The following RUSF1 variants were observed in gnomAD, a reference collection of about 807,000 sequenced individuals.
RUSF1 encodes RUS1 family protein C16orf58.
In RUSF1, 58 loss-of-function variants were observed where a neutral mutation model predicts 63.0. The ratio of observed to expected loss-of-function variants is 0.92; its 90% CI spans 0.75 to 1.15. The LOEUF is 1.15. Ranked by LOEUF, RUSF1 falls within the 50% of genes most tolerant of loss-of-function variation. The pLI, the probability that RUSF1 is intolerant of heterozygous loss-of-function variation, is 0.00. For missense variants in RUSF1, 652 were observed against 611.0 expected, an observed-to-expected ratio of 1.07 and a Z score of -0.71; for synonymous variants, 274 against 255.8, an observed-to-expected ratio of 1.07 and a Z score of -0.68.
rs141376808 is a variant in RUSF1, at chr16:31,490,528, A to G, written c.*307T>C. ...GTGGCCGTGTTCCTCTGGGGCTTCT[A>G]TGCCTAAGACCAACTGCGTTGGACA... is the stretch of plus-strand genomic sequence containing the variant. On this transcript the variant is annotated 3_prime_UTR_variant, in exon 13 of 13. Transcript: ENST00000327237. The G allele has an allele frequency of 2.9e-5, 47 of 1,611,024 alleles. No homozygotes were observed. The highest frequency in any genetic ancestry group is 3.9e-5 in the Non-Finnish European group (46 of 1,178,476).
intron 5 of RUSF1, among the ~76,000 whole-genome samples, chr16:31,498,987 A>G (rs2082618425): frequency 6.6e-6 from 1 of 152,198 alleles, no homozygotes; most frequent in African/African-American, 2.4e-5. Context: ...TAGGCACTCA[A>G]TAAATACTGT....
chr16:31,498,946 C>T (rs868684078), intron 5 of RUSF1, among the ~76,000 whole-genome samples: 2 of 152,142 alleles, frequency 1.3e-5, no homozygotes, highest in South Asian at 2.1e-4. Flanking sequence ...CTTTCAAAGA[C>T]GGGGGCCCAC....
rs1473248782 is a variant in RUSF1 at position 31,489,678 on chromosome 16, G to C, written c.*1157C>G. On this transcript the variant is annotated 3_prime_UTR_variant, in exon 13 of 13. Transcript: ENST00000327237. ...TGGTTTTGTTGCCAAAGGGCAGGTGGCTCCAGGCAGGGCTGATGGTGGCAG... is the reference window on the plus strand; with the variant it reads ...TGGTTTTGTTGCCAAAGGGCAGGTGCCTCCAGGCAGGGCTGATGGTGGCAG... 2.1e-6 allele frequency: 1 copy of C among 476,178 alleles called. No individual in the cohort carries two copies. The highest frequency in any genetic ancestry group is 4.2e-5 in the East Asian group (1 of 23,820). The allele number at this position is 476,178 out of a possible 1,614,324, so 29.5% of individuals were successfully genotyped here.
In RUSF1 at chr16:31,499,527, T is replaced by C; in HGVS notation, c.462-2A>G. ...TTGGCATTGCAGTCCAGTTTGCTCC[T>C]GTTGGGGAGGAGAGGTTGTTGTAAT... is the stretch of plus-strand genomic sequence containing the variant. On this transcript the variant is annotated splice_acceptor_variant, in intron 3 of 12. Transcript: ENST00000327237. LOFTEE classifies it high-confidence loss of function. 1.3e-6 allele frequency: 2 copies of C among 1,595,634 alleles called. No individual in the cohort carries two copies. The highest frequency in any genetic ancestry group is 1.1e-5 in the South Asian group (1 of 89,478).
chr16:31,496,146 T>A lies in RUSF1; in HGVS notation c.702+703A>T, dbSNP rs535696310. Among the ~76,000 whole-genome samples, 5 of 152,128 alleles carry A rather than the reference T, an allele frequency of 3.3e-5. No individual in the cohort carries two copies. In the East Asian group the frequency reaches 9.7e-4, roughly 29 times the overall value. ...TCACCTGGGCTGGAGTGCAGTGGGG[T>A]GATCTTAGCTCACCACAGCCTCCAC... is the stretch of plus-strand genomic sequence containing the variant. On this transcript the variant is annotated intron_variant, in intron 6 of 12. Transcript: ENST00000327237.
intron 2 of RUSF1, among the ~76,000 whole-genome samples, chr16:31,501,568 T>TG (rs2082633129): frequency 6.8e-6 from 1 of 146,834 alleles, no homozygotes; most frequent in Non-Finnish European, 1.5e-5. Context: ...CACTCCAGCC[T>TG]GGATGACAGA....
Position 31,490,944 on chromosome 16 carries a change from T to C in RUSF1, c.1310-12A>G, listed in dbSNP as rs1467037721. 1.2e-6 allele frequency: 2 copies of C among 1,613,334 alleles called. No individual in the cohort carries two copies. Among genetic ancestry groups the C allele is most frequent in the South Asian group, 1.1e-5 (1 of 91,066 alleles). The stretch of plus-strand genomic sequence containing the variant: ...GGCATCCTGCAGTCCTGGGGAGAGA[T>C]CATGGGGTGCTGCCGGGAATGCTGG... On this transcript the variant is annotated splice_polypyrimidine_tract_variant and intron_variant, in intron 12 of 12. Transcript: ENST00000327237.
intron 2 of RUSF1, among the ~76,000 whole-genome samples, chr16:31,504,264 G>C (rs919288516): frequency 6.6e-6 from 1 of 151,632 alleles, no homozygotes; most frequent in Non-Finnish European, 1.5e-5. Flanking sequence ...CTGAGCTAAA[G>C]GTTTAGCGTT....
At position 31,490,207 on chromosome 16, in the gene RUSF1, CAG is replaced by C. The variant is rs778201008; in HGVS notation, c.*626_*627del. On this transcript the variant is annotated 3_prime_UTR_variant, in exon 13 of 13. Transcript: ENST00000327237. Reference sequence around the variant, plus strand: ...TCACTCCCTGTACAGAATGGGTGCCCAGAGAGTGCCATGGAGATGAATGGTAG... The same window carrying C: ...TCACTCCCTGTACAGAATGGGTGCCCAGAGTGCCATGGAGATGAATGGTAG... 11 of 1,614,158 alleles carry C rather than the reference CAG, an allele frequency of 6.8e-6. No homozygotes were observed. The highest frequency in any genetic ancestry group is 1.3e-5 in the African/African-American group (1 of 75,058).
At chr16:31,506,742 C>T (rs2082660932) in intron 2 of RUSF1, among the ~76,000 whole-genome samples, 1 of 152,140 alleles carries the variant, frequency 6.6e-6, no homozygotes, top group Non-Finnish European at 1.5e-5. Context: ...GAGATTGTGC[C>T]ACTGCACTCC....
chr16:31,498,678 G>A (rs1169974637), intron 5 of RUSF1, among the ~76,000 whole-genome samples: 2 of 152,154 alleles, frequency 1.3e-5, no homozygotes, highest in Non-Finnish European at 2.9e-5. Flanking sequence ...TGAGCCCCGC[G>A]TGTCCCCCAG....
Position 31,508,056 on chromosome 16 carries a change from CCA to C in RUSF1, c.300+16_300+17del. 1 of 1,592,798 alleles carries C rather than the reference CCA, an allele frequency of 6.3e-7. No homozygotes were observed. The highest frequency in any genetic ancestry group is 8.5e-7 in the Non-Finnish European group (1 of 1,171,042). On this transcript the variant is annotated intron_variant, in intron 1 of 12. Coordinates refer to ENST00000327237, the MANE Select transcript of RUSF1 (RefSeq NM_022744.4). ...GGAGTGGCCTGCACTGTCCTCTGCC[CCA>C]GACGACCGAGCTGACCTGCACGGAA... is the stretch of plus-strand genomic sequence containing the variant.
At chr16:31,497,991 G>A (rs1424871192) in intron 5 of RUSF1, among the ~76,000 whole-genome samples, 2 of 152,216 alleles carry the variant, frequency 1.3e-5, no homozygotes, top group African/African-American at 2.4e-5. Context: ...TCTCAGCAGT[G>A]AGAGGTGGTG....
At chr16:31,491,771 G>C (rs1053042013) in intron 12 of RUSF1, among the ~76,000 whole-genome samples, 2 of 151,278 alleles carry the variant, frequency 1.3e-5, no homozygotes, top group African/African-American at 4.9e-5. Flanking sequence ...AACCACACCT[G>C]GCTAATTTTT....
At chr16:31,500,581 TC>T in intron 3 of RUSF1, 104 bp downstream of exon 3, 10 of 1,412,060 alleles carry the variant, frequency 7.1e-6, no homozygotes, top group Non-Finnish European at 8.7e-6. Context: ...GCATAGATCA[TC>T]TCATGGAACC....
In RUSF1 at chr16:31,490,508, CGT is replaced by C; in HGVS notation, c.*325_*326del. On this transcript the variant is annotated 3_prime_UTR_variant, in exon 13 of 13. Coordinates refer to ENST00000327237, the MANE Select transcript of RUSF1 (RefSeq NM_022744.4). Reference sequence around the variant, plus strand: ...ATGCCCTGCTCATGATGGCAGTGGCCGTGTTCCTCTGGGGCTTCTATGCCTAA... The same window carrying C: ...ATGCCCTGCTCATGATGGCAGTGGCCGTTCCTCTGGGGCTTCTATGCCTAA... The C allele has an allele frequency of 6.2e-7, 1 of 1,613,266 alleles. No individual in the cohort carries two copies. Among genetic ancestry groups the C allele is most frequent in the Non-Finnish European group, 8.5e-7 (1 of 1,179,722 alleles).
chr16:31,498,496 G>A (rs1053458206), intron 5 of RUSF1, among the ~76,000 whole-genome samples: 2 of 152,154 alleles, frequency 1.3e-5, no homozygotes, highest in African/African-American at 4.8e-5. Context: ...GTTGACACAT[G>A]GGCCTTGGAA....
chr16:31,500,217 C>A (rs749451162), intron 3 of RUSF1, among the ~76,000 whole-genome samples: 23 of 152,134 alleles, frequency 1.5e-4, no homozygotes, highest in Non-Finnish European at 3.2e-4. Context: ...AGTATGAGAT[C>A]TCCTGGAGGG....
chr16:31,499,410 G>C lies in RUSF1; in HGVS notation c.495-3C>G, dbSNP rs1466592926. ...CATTGAGGATGTCCGCAAAAAGCCTGGGGAGGGATCAGAGGTTAGAGGTCA... is the reference window on the plus strand; with the variant it reads ...CATTGAGGATGTCCGCAAAAAGCCTCGGGAGGGATCAGAGGTTAGAGGTCA... On this transcript the variant is annotated splice_region_variant and splice_polypyrimidine_tract_variant and intron_variant, in intron 4 of 12. Transcript: ENST00000327237. 2 of 1,613,808 alleles carry C rather than the reference G, an allele frequency of 1.2e-6. No homozygotes were observed. Among genetic ancestry groups the C allele is most frequent in the Non-Finnish European group, 1.7e-6 (2 of 1,179,930 alleles).
Sources: gnomAD v4.1 joint callset for allele counts (sites outside exome capture counted in the v4.1 genomes callset) on GRCh38, gnomAD v4.1.1 for gene constraint, MANE v1.5 for transcripts, NCBI Gene and HGNC (gene_info 2026-07-23, HGNC 2026-07-21) for gene names.